The following SPAG9 variants were observed in gnomAD, a reference collection of about 807,000 sequenced individuals.
SPAG9 encodes the protein sperm associated antigen 9.
A neutral mutation model predicts 166.5 loss-of-function variants in SPAG9; 35 were observed. The ratio of observed to expected loss-of-function variants is 0.21; its 90% confidence interval spans 0.16 to 0.28. SPAG9 has a LOEUF of 0.28. SPAG9 is among the 10% of genes least tolerant of loss of function. The pLI is 1.00. For missense variants in SPAG9, 1,235 were observed against 1,603.3 expected (o/e 0.77, Z 3.92); for synonymous variants, 534 against 565.5 (o/e 0.94, Z 0.79).
intron 2 of SPAG9, among the ~76,000 whole-genome samples, chr17:51,077,739 C>T (rs542722338): frequency 9.9e-5 from 15 of 152,230 alleles, no homozygotes; most frequent in African/African-American, 3.6e-4. Flanking sequence ...CAACCTCCAC[C>T]TCCCAAGCTC....
rs180943156 is a variant in SPAG9 at position 51,014,299 on chromosome 17, G to A, written c.1146C>T (p.Leu382=). The A allele has an allele frequency of 7.4e-6, 12 of 1,613,510 alleles. No homozygotes were observed. The African/African-American group carries it at 9.3e-5, about 13-fold the overall frequency. ...NKAFDRNTES[L]FEELSSAGSG... ...AGCCAGCTGAAGACAGTTCTTCAAAGAGAGATTCTGTATTGCGATCAAAAG... is the reference window on the plus strand; with the variant it reads ...AGCCAGCTGAAGACAGTTCTTCAAAAAGAGATTCTGTATTGCGATCAAAAG... Residue 382 remains leucine, a synonymous_variant, in exon 9 of 30, where the codon CTC becomes CTT. Transcript: ENST00000262013.
At chr17:51,060,980 T>C (rs540806594) in intron 2 of SPAG9, among the ~76,000 whole-genome samples, 2 of 151,684 alleles carry the variant, frequency 1.3e-5, no homozygotes, top group Admixed American at 1.3e-4. Flanking sequence ...CCTGAGTAGC[T>C]GGGACTATAG....
At chr17:50,970,410 G>T (rs1301200592) in intron 29 of SPAG9, among the ~76,000 whole-genome samples, 1 of 151,498 alleles carries the variant, frequency 6.6e-6, no homozygotes, top group Non-Finnish European at 1.5e-5. Context: ...GCTACCTGGG[G>T]GGCTGAAGCA....
At position 50,998,425 on chromosome 17, in the gene SPAG9, T is replaced by C. The variant is rs748242436; in HGVS notation, c.1838+19A>G. 1 of 1,602,778 alleles carries C rather than the reference T, an allele frequency of 6.2e-7. No homozygotes were observed. Among genetic ancestry groups the C allele is most frequent in the South Asian group, 1.1e-5 (1 of 90,318 alleles). ...CTAACTTAATTTAGAATATAATGAT[T>C]AATTTGGAAAAGACTTACTCTTCAC... On this transcript the variant is annotated intron_variant, in intron 15 of 29. Coordinates refer to ENST00000262013, the MANE Select transcript of SPAG9 (RefSeq NM_001130528.3).
intron 8 of SPAG9, among the ~76,000 whole-genome samples, chr17:51,015,960 C>T (rs977332399): frequency 1.3e-5 from 2 of 151,978 alleles, no homozygotes; most frequent in African/African-American, 2.4e-5. Context: ...ACAAAAAAGA[C>T]ACCTACACCA....
chr17:51,118,817 A>T (rs1252802604), intron 1 of SPAG9, among the ~76,000 whole-genome samples: 5 of 152,190 alleles, frequency 3.3e-5, no homozygotes, highest in Admixed American at 3.3e-4. Context: ...CCCGAGGCCA[A>T]AGTGGGCAGA....
At chr17:51,002,442 T>C (rs1044461128) in intron 12 of SPAG9, among the ~76,000 whole-genome samples, 3 of 152,224 alleles carry the variant, frequency 2.0e-5, no homozygotes, top group Middle Eastern at 3.4e-3. Flanking sequence ...GTGGGTCTGT[T>C]CTCATGGTTC....
rs370655256 is a variant in SPAG9 at position 51,085,702 on chromosome 17, T to C, written c.304-5998A>G. 5.2e-4 allele frequency among the ~76,000 whole-genome samples: 79 copies of C among 152,328 alleles called. 1 individual carries two copies. The South Asian group carries it at 9.5e-3, about 18-fold the overall frequency. On this transcript the variant is annotated intron_variant, in intron 1 of 29. Transcript: ENST00000262013. ...AACTTAGAGATTACAAAATGGAATG[T>C]TGTCTTTCACAAACGTGTGCACATT...
At chr17:51,049,464 C>T (rs1056303460) in intron 3 of SPAG9, among the ~76,000 whole-genome samples, 1 of 152,034 alleles carries the variant, frequency 6.6e-6, no homozygotes, top group African/African-American at 2.4e-5. Flanking sequence ...CTGCTTGAGC[C>T]CAGGAGTTTG....
chr17:50,968,091 C>A (rs1282659658), intron 29 of SPAG9, among the ~76,000 whole-genome samples: 2 of 152,152 alleles, frequency 1.3e-5, no homozygotes, highest in East Asian at 1.9e-4. Flanking sequence ...CCTAACAACT[C>A]CTCTCATAAA....
At chr17:51,052,827 G>A (rs1430637918) in intron 3 of SPAG9, among the ~76,000 whole-genome samples, 2 of 152,170 alleles carry the variant, frequency 1.3e-5, no homozygotes, top group African/African-American at 2.4e-5. Flanking sequence ...GGGAGGCCAA[G>A]GTGGGTGGAT....
At chr17:50,972,613 G>C (rs1055508487) in intron 28 of SPAG9, among the ~76,000 whole-genome samples, 25 of 152,232 alleles carry the variant, frequency 1.6e-4, no homozygotes, top group African/African-American at 5.5e-4. Flanking sequence ...AGAATCTGCT[G>C]TCCTTTGGTC....
At chr17:51,012,523 T>C (rs2045529119) in intron 9 of SPAG9, among the ~76,000 whole-genome samples, 1 of 150,578 alleles carries the variant, frequency 6.6e-6, no homozygotes, top group Non-Finnish European at 1.5e-5. Flanking sequence ...TGAGCCAAGA[T>C]CGCACCACGG....
At chr17:50,971,798 G>A (rs960181261) in intron 28 of SPAG9, among the ~76,000 whole-genome samples, 1 of 150,376 alleles carries the variant, frequency 6.6e-6, no homozygotes, top group Non-Finnish European at 1.5e-5. Context: ...ACAGAGTTTC[G>A]CTCTTGTGGC....
rs150480456 is a variant in SPAG9 at position 51,111,720 on chromosome 17, T to G, written c.303+8634A>C. Among the ~76,000 whole-genome samples the G allele has an allele frequency of 1.3e-3, 197 of 152,234 alleles. 1 individual carries two copies. Among genetic ancestry groups the G allele is most frequent in the African/African-American group, 4.5e-3 (188 of 41,540 alleles). ...CAGGTACAAGTGATTTTCCTTCCTC[T>G]GCCTCCGGAGTAGCTTGGATTACAG... On this transcript the variant is annotated intron_variant, in intron 1 of 29. Coordinates refer to ENST00000262013, the MANE Select transcript of SPAG9 (RefSeq NM_001130528.3).
Position 51,020,195 on chromosome 17 carries a change from T to A in SPAG9, c.1055A>T (p.Asp352Val), listed in dbSNP as rs1442041990. ...ATATCCACTGAGATCTTTGTCCATATCCAGCTCAGGAGTAGATTCGATGAT... is the reference window on the plus strand; with the variant it reads ...ATATCCACTGAGATCTTTGTCCATAACCAGCTCAGGAGTAGATTCGATGAT... ...QAIIESTPEL[D>V]MDKDLSGYKG... The change falls in exon 8 of 30, where the codon GAT (aspartate) becomes GTT (valine). Residue 352 changes from aspartate to valine, a missense_variant. Around this residue, in one of 6 missense-constraint regions of SPAG9, gnomAD observed 288 missense variants for 323.7 expected, o/e 0.89. Coordinates refer to ENST00000262013, the MANE Select transcript of SPAG9 (RefSeq NM_001130528.3). 1 of 1,613,452 alleles carries A rather than the reference T, an allele frequency of 6.2e-7. No homozygotes were observed. The highest frequency in any genetic ancestry group is 1.3e-5 in the African/African-American group (1 of 74,904).
intron 2 of SPAG9, among the ~76,000 whole-genome samples, chr17:51,063,307 G>A (rs1409190603): frequency 1.3e-5 from 2 of 151,820 alleles, no homozygotes; most frequent in East Asian, 1.9e-4. Context: ...AGCTACTTGG[G>A]AGGCTGAGGC....
At chr17:50,979,630 T>C (rs111750111) in intron 26 of SPAG9, 116 bp downstream of exon 26, 6 of 943,328 alleles carry the variant, frequency 6.4e-6, no homozygotes, top group Non-Finnish European at 1.6e-6. Context: ...CACCTGTGCA[T>C]AGCCACTGCA....
chr17:50,979,939 C>T, intron 25 of SPAG9, 22 bp from the exon 26 acceptor site: 5 of 1,602,044 alleles, frequency 3.1e-6, no homozygotes, highest in Non-Finnish European at 4.3e-6. Context: ...TGTCCAATCA[C>T]AAAGTTACTT....
Sources: allele counts gnomAD v4.1 joint callset (sites outside exome capture counted in the v4.1 genomes callset), GRCh38; gene constraint gnomAD v4.1.1; regional missense constraint gnomAD v4.1.1; transcripts MANE v1.5; gene names NCBI Gene and HGNC (gene_info 2026-07-23, HGNC 2026-07-21).